METTL24: variants seen among roughly 807,000 people sequenced by gnomAD.
The protein encoded by METTL24 is methyltransferase like 24.
A neutral mutation model predicts 32.7 loss-of-function variants in METTL24; 29 were observed. The ratio of observed to expected loss-of-function variants is 0.89; its 90% CI spans 0.66 to 1.21. The LOEUF is 1.21. METTL24 is among the 50% of genes most tolerant of loss of function. The pLI is 0.00. For synonymous variants in METTL24, 163 were observed against 179.5 expected (o/e 0.91, Z 0.73); for missense variants, 439 against 468.1 (o/e 0.94, Z 0.57).
At chr6:110,354,337 G>C (rs559839927) in intron 1 of METTL24, among the ~76,000 whole-genome samples, 6 of 152,342 alleles carry the variant, frequency 3.9e-5, no homozygotes, top group Admixed American at 3.9e-4. Flanking sequence ...TGTGATTAAA[G>C]TGGCAGAATT....
chr6:110,284,548 G>A lies in METTL24; in HGVS notation c.786+14374C>T, dbSNP rs187745314. 9.2e-5 allele frequency among the ~76,000 whole-genome samples: 14 copies of A among 152,128 alleles called. No homozygotes were observed. In the East Asian group the frequency reaches 2.1e-3, roughly 23 times the overall value. ...ATGGGGATGTGAACAGAAATGAAAT[G>A]TACATATAAGCTGATAATTACTAGA... is the stretch of plus-strand genomic sequence containing the variant. On this transcript the variant is annotated intron_variant, in intron 4 of 4. Coordinates refer to ENST00000338882, the MANE Select transcript of METTL24 (RefSeq NM_001123364.3).
intron 2 of METTL24, among the ~76,000 whole-genome samples, chr6:110,319,444 GAT>G (rs1562236246): frequency 0.01 from 1,531 of 152,122 alleles, 25 homozygotes; most frequent in African/African-American, 0.035. Flanking sequence ...TAGATAGATA[GAT>G]AGATAGATAG....
At position 110,274,924 on chromosome 6, in the gene METTL24, G is replaced by A. The variant is rs570971306; in HGVS notation, c.786+23998C>T. On this transcript the variant is annotated intron_variant, in intron 4 of 4. Coordinates refer to ENST00000338882, the MANE Select transcript of METTL24 (RefSeq NM_001123364.3). ...ACCATTCCTCCCACCTTAGCCTCCC[G>A]AGGATCTAAGACTACAGGCGCACAT... Among the ~76,000 whole-genome samples, 9 of 148,722 alleles carry A rather than the reference G, an allele frequency of 6.1e-5. 1 individual carries two copies. The South Asian group carries it at 1.5e-3, about 25-fold the overall frequency.
chr6:110,285,108 G>T (rs1481454363), intron 4 of METTL24, among the ~76,000 whole-genome samples: 1 of 152,228 alleles, frequency 6.6e-6, no homozygotes, highest in African/African-American at 2.4e-5. Flanking sequence ...CTTGTCACAT[G>T]GGTGGTTTTT....
At chr6:110,296,650 TAACAGCGG>T (rs1236734946) in intron 4 of METTL24, among the ~76,000 whole-genome samples, 1 of 152,206 alleles carries the variant, frequency 6.6e-6, no homozygotes, top group Non-Finnish European at 1.5e-5. Flanking sequence ...ATAGGAAAAC[TAACAGCGG>T]AATAGGGAAA....
intron 2 of METTL24, among the ~76,000 whole-genome samples, chr6:110,318,666 A>AG (rs1021908492): frequency 6.6e-6 from 1 of 151,188 alleles, no homozygotes; most frequent in Non-Finnish European, 1.5e-5. Flanking sequence ...AAAAAAAAAA[A>AG]AAAGAAAGAA....
chr6:110,282,377 A>C (rs1192813802), intron 4 of METTL24, among the ~76,000 whole-genome samples: 2 of 152,164 alleles, frequency 1.3e-5, no homozygotes, highest in Non-Finnish European at 2.9e-5. Context: ...ATAACTACTT[A>C]ATAAATAGTG....
chr6:110,314,942 C>T (rs1228774075), intron 3 of METTL24, among the ~76,000 whole-genome samples: 2 of 151,174 alleles, frequency 1.3e-5, no homozygotes, highest in East Asian at 1.9e-4. Flanking sequence ...GCAGCCTGGG[C>T]GACAGAGTGA....
intron 1 of METTL24, among the ~76,000 whole-genome samples, chr6:110,352,093 C>G (rs978477850): frequency 6.6e-6 from 1 of 152,012 alleles, no homozygotes; most frequent in Admixed American, 6.6e-5. Context: ...AAGTCTATTC[C>G]CCTACGATCT....
Position 110,333,735 on chromosome 6 carries a change from C to T in METTL24, c.319-10863G>A, listed in dbSNP as rs60727337. On this transcript the variant is annotated intron_variant, in intron 1 of 4. Transcript: ENST00000338882. ...GGGATTACAGGCGTAAGCCACCACG[C>T]CCAGCCTTGATTTTTAACCTATGTT... Among the ~76,000 whole-genome samples, 633 of 152,306 alleles carry T rather than the reference C, an allele frequency of 4.2e-3. 2 individuals carry two copies. Among genetic ancestry groups the T allele is most frequent in the African/African-American group, 0.015 (607 of 41,570 alleles).
intron 3 of METTL24, among the ~76,000 whole-genome samples, 161 bp from the exon 4 acceptor site, chr6:110,299,311 A>T (rs964028143): frequency 2.6e-5 from 4 of 152,244 alleles, no homozygotes; most frequent in Non-Finnish European, 5.9e-5. Flanking sequence ...TTCTTTCACA[A>T]AAAAGCATTA....
intron 3 of METTL24, among the ~76,000 whole-genome samples, chr6:110,301,178 T>C (rs575329576): frequency 6.6e-6 from 1 of 152,304 alleles, no homozygotes; most frequent in African/African-American, 2.4e-5. Context: ...ACTTTTTGCC[T>C]GGAGAAAATT....
At chr6:110,341,218 T>C (rs897623840) in intron 1 of METTL24, among the ~76,000 whole-genome samples, 1 of 152,232 alleles carries the variant, frequency 6.6e-6, no homozygotes, top group African/African-American at 2.4e-5. Flanking sequence ...AAGGATACAA[T>C]GTTGTATGTG....
At chr6:110,347,971 T>C (rs1302024953) in intron 1 of METTL24, among the ~76,000 whole-genome samples, 2 of 152,236 alleles carry the variant, frequency 1.3e-5, no homozygotes, top group African/African-American at 2.4e-5. Flanking sequence ...GAGCATATTA[T>C]ATATGCATTA....
At chr6:110,285,051 G>C (rs1170066582) in intron 4 of METTL24, among the ~76,000 whole-genome samples, 1 of 152,234 alleles carries the variant, frequency 6.6e-6, no homozygotes, top group Non-Finnish European at 1.5e-5. Flanking sequence ...TTCTGACTCT[G>C]AAGTGCAGGC....
intron 4 of METTL24, among the ~76,000 whole-genome samples, chr6:110,268,548 G>C (rs533372819): frequency 1.3e-5 from 2 of 152,276 alleles, no homozygotes; most frequent in South Asian, 4.1e-4. Context: ...ATTCCTGGGG[G>C]TAAGCGGCAG....
chr6:110,322,909 A>AG (rs112341783), intron 1 of METTL24, 37 bp from the exon 2 acceptor site: 1,563,142 of 1,563,192 alleles, frequency 1, 781,546 homozygotes, highest in Middle Eastern at 1. Flanking sequence ...TGTGTAAGGA[A>AG]GAGGAACTGG....
intron 3 of METTL24, among the ~76,000 whole-genome samples, chr6:110,308,290 GA>G (rs1771660448): frequency 6.6e-6 from 1 of 152,230 alleles, no homozygotes; most frequent in South Asian, 2.1e-4. Flanking sequence ...CTGAAGGGCA[GA>G]AGGGGTGGGT....
At chr6:110,278,510 A>G (rs1771084607) in intron 4 of METTL24, among the ~76,000 whole-genome samples, 1 of 152,202 alleles carries the variant, frequency 6.6e-6, no homozygotes, top group African/African-American at 2.4e-5. Flanking sequence ...GTCCTCAAAT[A>G]TGTATTCTTT....
Sources: allele counts gnomAD v4.1 joint callset (sites outside exome capture counted in the v4.1 genomes callset), GRCh38; gene constraint gnomAD v4.1.1; transcripts MANE v1.5; gene names NCBI Gene and HGNC (gene_info 2026-07-23, HGNC 2026-07-21).